SLC18B1: variants seen among roughly 807,000 people sequenced by gnomAD.
SLC18B1 encodes MFS-type transporter SLC18B1.
Under a neutral mutation model 53.9 loss-of-function variants are expected in SLC18B1, and 62 were observed. The ratio of observed to expected loss-of-function variants is 1.15; its 90% confidence interval spans 0.94 to 1.42. The LOEUF (loss-of-function observed/expected upper bound fraction) is 1.42, where lower values mean the gene tolerates loss of function less well. SLC18B1 is among the 40% of genes most tolerant of loss of function. The pLI is 0.00. For missense variants in SLC18B1, 598 were observed against 547.3 expected (o/e 1.09, Z -0.93); for synonymous variants, 217 against 200.9 (o/e 1.08, Z -0.68).
In SLC18B1 at chr6:132,779,354, C is replaced by A; in HGVS notation, c.709G>T (p.Val237Phe). 1 of 1,613,566 alleles carries A rather than the reference C, an allele frequency of 6.2e-7. No individual in the cohort carries two copies. Among genetic ancestry groups the A allele is most frequent in the Non-Finnish European group, 8.5e-7 (1 of 1,179,806 alleles). ...SFWKLIALPK[V>F]GLIAFVINSL... ...TTGATGACGAAGGCTATAAGGCCAA[C>A]TTTGGGTAAAGCGATCAGTTTCCAG... The change falls in exon 7 of 14, where the codon GTT (valine) becomes TTT (phenylalanine). Residue 237 changes from valine (V) to phenylalanine (F), a missense_variant. By Grantham distance (50) the Val-to-Phe change is conservative (BLOSUM62 -1). Coordinates refer to ENST00000275227, the MANE Select transcript of SLC18B1 (RefSeq NM_052831.3).
Position 132,769,389 on chromosome 6 carries a change from A to G in SLC18B1, c.*881T>C, listed in dbSNP as rs1305250438. ...GAAGCATGAGAGTTACACAATAGAC[A>G]TTTATTCACTTCAACATCACAATTT... On this transcript the variant is annotated 3_prime_UTR_variant, in exon 14 of 14. Transcript: ENST00000275227. 6.6e-6 allele frequency: 1 copy of G among 152,232 alleles called. No homozygotes were observed. The highest frequency in any genetic ancestry group is 1.5e-5 in the Non-Finnish European group (1 of 68,046). 9.4% of individuals were successfully genotyped at this position (152,232 alleles called of 1,614,324 possible).
At chr6:132,797,943 T>G (rs767506926) in intron 1 of SLC18B1, among the ~76,000 whole-genome samples, 2 of 152,154 alleles carry the variant, frequency 1.3e-5, no homozygotes, top group African/African-American at 4.8e-5. Context: ...TAGGAAAAAC[T>G]TAAGAGAAAT....
chr6:132,787,625 T>TA, intron 4 of SLC18B1, 44 bp from the exon 5 acceptor site: 1 of 394,480 alleles, frequency 2.5e-6, no homozygotes, highest in Non-Finnish European at 3.3e-6. Flanking sequence ...GCTGGTTTTC[T>TA]TTTTTTTTTT....
At chr6:132,778,934 T>G (rs1781160878) in intron 7 of SLC18B1, among the ~76,000 whole-genome samples, 1 of 152,166 alleles carries the variant, frequency 6.6e-6, no homozygotes, top group Non-Finnish European at 1.5e-5. Context: ...TGTGTACCCC[T>G]AATGTCTCAT....
In SLC18B1 at chr6:132,796,923, G is replaced by C. The variant is rs757589218; in HGVS notation, c.183+59C>G. ...ACTATAAAATAAAATAATTCAAAAG[G>C]CTTTTAAAAAACAAACAAACAAAAA... On this transcript the variant is annotated intron_variant, in intron 2 of 13. Coordinates refer to ENST00000275227, the MANE Select transcript of SLC18B1 (RefSeq NM_052831.3). The C allele has an allele frequency of 2.3e-4, 355 of 1,529,692 alleles. 1 individual carries two copies. Among genetic ancestry groups the C allele is most frequent in the Middle Eastern group, 7.0e-4 (4 of 5,722 alleles). The allele number at this position is 1,529,692 out of a possible 1,614,324, so 94.8% of individuals were successfully genotyped here.
chr6:132,782,532 G>T (rs1378171932), intron 6 of SLC18B1, among the ~76,000 whole-genome samples: 2 of 151,748 alleles, frequency 1.3e-5, no homozygotes, highest in African/African-American at 4.8e-5. Flanking sequence ...TAAGATAATT[G>T]ACATGTCCAT....
chr6:132,796,999 G>A lies in SLC18B1; in HGVS notation c.166C>T (p.Pro56Ser). 6.2e-7 allele frequency: 1 copy of A among 1,613,260 alleles called. No homozygotes were observed. The highest frequency in any genetic ancestry group is 1.1e-5 in the South Asian group (1 of 90,924). ...GSMMCYSILG[P>S]FFPKEAEKKG... ...TGTCTTACCTCTTTGGGGAAAAACGGTCCAAGTATAGAATAGCACATCATG... is the reference window on the plus strand; with the variant it reads ...TGTCTTACCTCTTTGGGGAAAAACGATCCAAGTATAGAATAGCACATCATG... Residue 56 changes from proline to serine, a missense_variant, in exon 2 of 14, where the codon CCG (proline) becomes TCG (serine). Transcript: ENST00000275227.
At chr6:132,785,541 T>C (rs1375009804) in intron 5 of SLC18B1, among the ~76,000 whole-genome samples, 2 of 152,132 alleles carry the variant, frequency 1.3e-5, no homozygotes, top group African/African-American at 2.4e-5. Context: ...ATAAAGAACA[T>C]TGAAATTCTT....
At chr6:132,781,866 A>G (rs1372905533) in intron 6 of SLC18B1, among the ~76,000 whole-genome samples, 1 of 152,094 alleles carries the variant, frequency 6.6e-6, no homozygotes, top group East Asian at 1.9e-4. Flanking sequence ...AAAGAAAGAT[A>G]TTCCAGATCA....
chr6:132,791,887 G>T (rs1258891530), intron 2 of SLC18B1, among the ~76,000 whole-genome samples: 1 of 152,076 alleles, frequency 6.6e-6, no homozygotes, highest in East Asian at 1.9e-4. Context: ...ACACGGGTCA[G>T]GTTCCTCAAA....
Position 132,798,545 on chromosome 6 carries a change from G to A in SLC18B1, c.-89C>T. On this transcript the variant is annotated 5_prime_UTR_variant, in exon 1 of 14. Transcript: ENST00000275227. Reference sequence around the variant, plus strand: ...CCAAGGAGCCACTGGCACTCTGGCGGGCGGCCGCTGCTCAGCTGGAACCTG... The same window carrying A: ...CCAAGGAGCCACTGGCACTCTGGCGAGCGGCCGCTGCTCAGCTGGAACCTG... 1.5e-6 allele frequency: 2 copies of A among 1,323,268 alleles called. No homozygotes were observed. The highest frequency in any genetic ancestry group is 1.5e-5 in the African/African-American group (1 of 65,878). The allele number at this position is 1,323,268 out of a possible 1,614,324, so 82.0% of individuals were successfully genotyped here. A position where few individuals can be genotyped will look rare whatever the true frequency, so the allele number is the denominator to read the frequency against.
rs768218299 is a variant in SLC18B1 at position 132,779,285 on chromosome 6, G to C, written c.778C>G (p.Leu260Val). ...CFGFLDPTLSLFVLEKFNLPA... is the reference protein window; with the variant it reads ...CFGFLDPTLSVFVLEKFNLPA... ...TAACTTACCTTCTCCAAAACAAAGA[G>C]AGACAGAGTAGGATCGAGGAAGCCA... Residue 260 changes from leucine to valine, a missense_variant, in exon 7 of 14, where the codon CTC becomes GTC. By Grantham distance (32) the Leu-to-Val change is conservative. Transcript: ENST00000275227. 1 of 1,613,996 alleles carries C rather than the reference G, an allele frequency of 6.2e-7. No homozygotes were observed. The highest frequency in any genetic ancestry group is 1.1e-5 in the South Asian group (1 of 91,068).
intron 1 of SLC18B1, among the ~76,000 whole-genome samples, chr6:132,798,159 T>C (rs1178003568): frequency 2.0e-5 from 3 of 152,238 alleles, no homozygotes; most frequent in Admixed American, 6.5e-5. Context: ...CTTATTTGAA[T>C]GCATTAAACA....
chr6:132,797,048 C>G lies in SLC18B1; in HGVS notation c.117G>C (p.Ser39=). The change falls in exon 2 of 14, where the codon TCG becomes TCC. Residue 39 remains serine (S), a synonymous_variant. Coordinates refer to ENST00000275227, the MANE Select transcript of SLC18B1 (RefSeq NM_052831.3). Reference sequence around the variant, plus strand: ...TGGAACCTAAGTTCACCGAAGCTGCCGATATCAGTACAAAAACCTGTTCTC... The same window carrying G: ...TGGAACCTAAGTTCACCGAAGCTGCGGATATCAGTACAAAAACCTGTTCTC... ...LSREQVFVLI[S]AASVNLGSMM... is the part of the protein sequence containing the mutation. The G allele has an allele frequency of 5.6e-6, 9 of 1,614,118 alleles. No homozygotes were observed. The highest frequency in any genetic ancestry group is 6.8e-6 in the Non-Finnish European group (8 of 1,180,012).
At chr6:132,781,767 A>C (rs1462672669) in intron 6 of SLC18B1, among the ~76,000 whole-genome samples, 1 of 151,890 alleles carries the variant, frequency 6.6e-6, no homozygotes, top group East Asian at 1.9e-4. Flanking sequence ...TAAAAAAAAA[A>C]AAGAAAAGAA....
chr6:132,795,524 T>C (rs1781654391), intron 2 of SLC18B1, among the ~76,000 whole-genome samples: 1 of 152,222 alleles, frequency 6.6e-6, no homozygotes, highest in South Asian at 2.1e-4. Flanking sequence ...TATGGGTACA[T>C]GGCAATATTG....
intron 6 of SLC18B1, among the ~76,000 whole-genome samples, chr6:132,782,456 G>A (rs1056010021): frequency 6.6e-6 from 1 of 151,978 alleles, no homozygotes; most frequent in African/African-American, 2.4e-5. Context: ...CCAATATGTT[G>A]TTATTAACTA....
intron 2 of SLC18B1, among the ~76,000 whole-genome samples, chr6:132,791,602 C>G (rs1452807374): frequency 6.6e-6 from 1 of 152,154 alleles, no homozygotes; most frequent in Non-Finnish European, 1.5e-5. Context: ...GGATCTCTCT[C>G]TTACTCTAGG....
rs916837301 is a variant in SLC18B1 at position 132,769,583 on chromosome 6, T to C, written c.*687A>G. 11 of 152,210 alleles carry C rather than the reference T, an allele frequency of 7.2e-5. No homozygotes were observed. Among genetic ancestry groups the C allele is most frequent in the African/African-American group, 9.6e-5 (4 of 41,456 alleles). The allele number at this position is 152,210 out of a possible 1,614,324, so 9.4% of individuals were successfully genotyped here. A position where few individuals can be genotyped will look rare whatever the true frequency, so the allele number is the denominator to read the frequency against. On this transcript the variant is annotated 3_prime_UTR_variant, in exon 14 of 14. Coordinates refer to ENST00000275227, the MANE Select transcript of SLC18B1 (RefSeq NM_052831.3). Reference sequence around the variant, plus strand: ...AGACATTAAAGGAAATGAAAAACGTTATACCAAGTAATGTTTATAAATCCA... The same window carrying C: ...AGACATTAAAGGAAATGAAAAACGTCATACCAAGTAATGTTTATAAATCCA...
Sources: gnomAD v4.1 joint callset for allele counts (sites outside exome capture counted in the v4.1 genomes callset) on GRCh38, gnomAD v4.1.1 for gene constraint, MANE v1.5 for transcripts, NCBI Gene and HGNC (gene_info 2026-07-23, HGNC 2026-07-21) for gene names.